CSMD2: variants seen among roughly 807,000 people sequenced by gnomAD.
The protein encoded by CSMD2 is CUB and sushi domain-containing protein 2.
A neutral mutation model predicts 398.5 loss-of-function variants in CSMD2; 130 were observed. The observed-to-expected ratio is 0.33, with a 90% CI of 0.28 to 0.38. CSMD2 has a LOEUF of 0.38. CSMD2 is among the 10% of genes least tolerant of loss of function. The pLI is 1.00. For synonymous variants in CSMD2, 1,828 were observed against 1,908.5 expected (o/e 0.96, Z 1.10); for missense variants, 3,829 against 4,764.9 (o/e 0.80, Z 5.78).
chr1:33,595,859 T>G (rs1415571862), intron 44 of CSMD2, among the ~76,000 whole-genome samples: 1 of 152,230 alleles, frequency 6.6e-6, no homozygotes, highest in Non-Finnish European at 1.5e-5. Context: ...GTGCTAGATG[T>G]GCTCATTACT....
At chr1:33,542,623 A>G (rs1212936313) in intron 58 of CSMD2, 97 bp downstream of exon 58, 4 of 1,155,786 alleles carry the variant, frequency 3.5e-6, no homozygotes, top group Non-Finnish European at 4.8e-6. Flanking sequence ...CGACCATCCC[A>G]ACCATTCTGC....
intron 28 of CSMD2, among the ~76,000 whole-genome samples, chr1:33,650,408 C>T (rs532998302): frequency 6.6e-6 from 1 of 152,094 alleles, no homozygotes; most frequent in East Asian, 1.9e-4. Flanking sequence ...ATGAGAAGAC[C>T]CTTACAGATA....
At chr1:34,109,378 G>T (rs1660823101) in intron 1 of CSMD2, among the ~76,000 whole-genome samples, 1 of 152,192 alleles carries the variant, frequency 6.6e-6, no homozygotes. Flanking sequence ...AATTAGTGAT[G>T]GGGTCAGTAT....
At chr1:33,638,476 T>A (rs1250305073) in intron 29 of CSMD2, among the ~76,000 whole-genome samples, 21 of 152,182 alleles carry the variant, frequency 1.4e-4, no homozygotes, top group Admixed American at 1.4e-3. Context: ...ATAACAGAAC[T>A]CCAATTTTAT....
intron 60 of CSMD2, among the ~76,000 whole-genome samples, chr1:33,539,318 A>G (rs1656112282): frequency 2.0e-5 from 3 of 152,192 alleles, no homozygotes; most frequent in African/African-American, 7.2e-5. Flanking sequence ...TAACGTGATT[A>G]AGTTGGAGAT....
intron 25 of CSMD2, among the ~76,000 whole-genome samples, chr1:33,681,075 C>A (rs981408242): frequency 3.3e-5 from 5 of 151,820 alleles, no homozygotes; most frequent in Non-Finnish European, 4.4e-5. Context: ...CAGGTGCATG[C>A]CACCATGCCT....
rs951952119 is a variant in CSMD2, at chr1:33,755,929, T to C, written c.1847-12323A>G. Among the ~76,000 whole-genome samples the C allele has an allele frequency of 7.2e-5, 11 of 152,318 alleles. No homozygotes were observed. In the East Asian group the frequency reaches 2.1e-3, roughly 29 times the overall value. On this transcript the variant is annotated intron_variant, in intron 13 of 70. Coordinates refer to ENST00000373381, the MANE Select transcript of CSMD2 (RefSeq NM_001281956.2). ...CACAAGTTTTTGTGTTTCTTTTTTTTCTGCCCAGTTTCCACCTCTTGGACA... is the reference window on the plus strand; with the variant it reads ...CACAAGTTTTTGTGTTTCTTTTTTTCCTGCCCAGTTTCCACCTCTTGGACA...
At chr1:33,652,900 G>T (rs1055891624) in intron 27 of CSMD2, among the ~76,000 whole-genome samples, 5 of 152,000 alleles carry the variant, frequency 3.3e-5, no homozygotes, top group Non-Finnish European at 5.9e-5. Flanking sequence ...GACTACAGGC[G>T]CCCGCCACCA....
intron 44 of CSMD2, among the ~76,000 whole-genome samples, chr1:33,587,710 C>T (rs1467343376): frequency 6.6e-6 from 1 of 152,182 alleles, no homozygotes; most frequent in Non-Finnish European, 1.5e-5. Context: ...GACAAGCTGA[C>T]CCTTCTGATC....
At chr1:33,665,102 C>T (rs1054702158) in intron 25 of CSMD2, among the ~76,000 whole-genome samples, 4 of 152,150 alleles carry the variant, frequency 2.6e-5, no homozygotes, top group South Asian at 2.1e-4. Context: ...GCATTTGTAG[C>T]TTTCAAATTC....
chr1:33,939,407 G>T (rs922109364), intron 3 of CSMD2, among the ~76,000 whole-genome samples: 1 of 152,276 alleles, frequency 6.6e-6, no homozygotes, highest in East Asian at 1.9e-4. Flanking sequence ...GGTGGGAAGG[G>T]CAGGTCAGGT....
At chr1:34,091,034 G>C (rs1339771341) in intron 1 of CSMD2, among the ~76,000 whole-genome samples, 1 of 152,122 alleles carries the variant, frequency 6.6e-6, no homozygotes, top group Non-Finnish European at 1.5e-5. Context: ...CCATCTTTCA[G>C]ATCTCAGCCT....
chr1:34,076,920 A>AAAAT (rs2148318160), intron 2 of CSMD2, among the ~76,000 whole-genome samples: 2 of 108,058 alleles, frequency 1.9e-5, no homozygotes, highest in African/African-American at 8.5e-5. Flanking sequence ...AAAAAAAAAA[A>AAAAT]AAAAAAAAAT....
intron 3 of CSMD2, among the ~76,000 whole-genome samples, chr1:33,967,157 T>C (rs1339790074): frequency 6.6e-6 from 1 of 152,148 alleles, no homozygotes; most frequent in Non-Finnish European, 1.5e-5. Flanking sequence ...GGAGAATTGA[T>C]TTTAATATTT....
intron 64 of CSMD2, among the ~76,000 whole-genome samples, chr1:33,532,702 T>C (rs374871393): frequency 3.3e-5 from 5 of 152,292 alleles, no homozygotes; most frequent in African/African-American, 1.2e-4. Flanking sequence ...GACATCCTGG[T>C]AACCCCAAGG....
chr1:34,153,556 C>T (rs1486850303), intron 1 of CSMD2, among the ~76,000 whole-genome samples: 1 of 152,236 alleles, frequency 6.6e-6, no homozygotes, highest in Non-Finnish European at 1.5e-5. Context: ...CTGAAACTTG[C>T]CCATGTCCCC....
intron 44 of CSMD2, among the ~76,000 whole-genome samples, chr1:33,597,056 GT>G (rs199854139): frequency 4.0e-5 from 6 of 149,626 alleles, no homozygotes; most frequent in African/African-American, 1.2e-4. Context: ...CCTAAACCAT[GT>G]TTTTTTTTCA....
chr1:33,898,891 C>G (rs764786847), intron 5 of CSMD2, among the ~76,000 whole-genome samples: 4 of 152,156 alleles, frequency 2.6e-5, no homozygotes, highest in Admixed American at 2.0e-4. Flanking sequence ...CTTGATGGAG[C>G]TTGACAGATT....
In CSMD2 at chr1:33,559,548, G is replaced by T; in HGVS notation, c.8381-75C>A. On this transcript the variant is annotated intron_variant, in intron 53 of 70. Coordinates refer to ENST00000373381, the MANE Select transcript of CSMD2 (RefSeq NM_001281956.2). This position sits in a 1 kb window ranked among gnomAD's most constrained non-coding sequence, Gnocchi z 4.0. ...TCAGAATTTATCCACCTCTCACCTG[G>T]CATCTCTTAGGCCATCAGTGAAGTT... The T allele has an allele frequency of 7.6e-7, 1 of 1,321,846 alleles. No individual in the cohort carries two copies. Among genetic ancestry groups the T allele is most frequent in the Non-Finnish European group, 1.0e-6 (1 of 960,326 alleles). The allele number at this position is 1,321,846 out of a possible 1,614,324, so 81.9% of individuals were successfully genotyped here.
Sources: allele counts gnomAD v4.1 joint callset (sites outside exome capture counted in the v4.1 genomes callset), GRCh38; gene constraint gnomAD v4.1.1; non-coding constraint Gnocchi (gnomAD v3.1); transcripts MANE v1.5; gene names NCBI Gene and HGNC (gene_info 2026-07-23, HGNC 2026-07-21).